SIDT1: variants seen among roughly 807,000 people sequenced by gnomAD.
SIDT1 encodes SID1 transmembrane family, member 1.
Under a neutral mutation model 107.5 loss-of-function variants are expected in SIDT1, and 101 were observed. That is an observed-to-expected ratio of 0.94 (90% CI 0.80 to 1.11). The LOEUF is 1.11. Among genes scored for constraint, SIDT1 ranks in the 50% least tolerant of loss-of-function variants. SIDT1 has a pLI of 0.00. For synonymous variants in SIDT1, 395 were observed against 398.2 expected, an observed-to-expected ratio of 0.99 and a Z score of 0.10; for missense variants, 1,076 against 1,058.2, an observed-to-expected ratio of 1.02 and a Z score of -0.23.
Position 113,627,778 on chromosome 3 carries a change from C to T in SIDT1, c.*70C>T. 6.9e-7 allele frequency: 1 copy of T among 1,441,038 alleles called. No individual in the cohort carries two copies. The highest frequency in any genetic ancestry group is 9.8e-7 in the Non-Finnish European group (1 of 1,025,320). The allele number at this position is 1,441,038 out of a possible 1,614,324, so 89.3% of individuals were successfully genotyped here. On this transcript the variant is annotated 3_prime_UTR_variant, in exon 25 of 25. Coordinates refer to ENST00000264852, the MANE Select transcript of SIDT1 (RefSeq NM_017699.3). ...TGTTTCACAAAAATTACAGTGACCA[C>T]AGCAAAGTAACCACTGCCAGATGCT...
Position 113,572,034 on chromosome 3 carries a change from C to T in SIDT1, c.515+4324C>T, listed in dbSNP as rs531096904. Among the ~76,000 whole-genome samples, 9 of 152,112 alleles carry T rather than the reference C, an allele frequency of 5.9e-5. No homozygotes were observed. In the East Asian group the frequency reaches 1.7e-3, roughly 29 times the overall value. On this transcript the variant is annotated intron_variant, in intron 3 of 24. Transcript: ENST00000264852. ...AACAGGATGCAGAGAAGTTAGAAGG[C>T]TGATGCAGTAGTCAAGATAAATAAT...
At chr3:113,593,371 T>TTCTCATAGGACCGCAAACCCTA (rs1301049709) in intron 10 of SIDT1, among the ~76,000 whole-genome samples, 1 of 152,154 alleles carries the variant, frequency 6.6e-6, no homozygotes, top group African/African-American at 2.4e-5. Flanking sequence ...CAGCATTAGA[T>TTCTCATAGGACCGCAAACCCTA]TCTCATAGGA....
At chr3:113,544,748 T>C (rs1939383344) in intron 1 of SIDT1, among the ~76,000 whole-genome samples, 1 of 152,140 alleles carries the variant, frequency 6.6e-6, no homozygotes, top group Non-Finnish European at 1.5e-5. Flanking sequence ...TGGTTAACCC[T>C]GGTTACTTAA....
intron 2 of SIDT1, among the ~76,000 whole-genome samples, chr3:113,567,278 GGCT>G (rs1307901267): frequency 9.8e-5 from 15 of 152,308 alleles, no homozygotes; most frequent in African/African-American, 3.6e-4. Context: ...TTAGGAGAAT[GGCT>G]TAGCGTAATG....
rs112125537 is a variant in SIDT1, at chr3:113,601,749, TG to T, written c.1117+91del. The T allele has an allele frequency of 6.9e-3, 5,861 of 853,344 alleles. 259 individuals are homozygous for T. In the African/African-American group the frequency reaches 0.089, roughly 13 times the overall value. The allele number at this position is 853,344 out of a possible 1,614,324, so 52.9% of individuals were successfully genotyped here. ...CATTCCAGCCACTAATAACTGGGAATGTGGGCAAAGCAGCTATCCTATGAGA... is the reference window on the plus strand; with the variant it reads ...CATTCCAGCCACTAATAACTGGGAATTGGGCAAAGCAGCTATCCTATGAGA... On this transcript the variant is annotated intron_variant, in intron 11 of 24. Transcript: ENST00000264852.
At chr3:113,602,218 C>T (rs920321029) in intron 11 of SIDT1, among the ~76,000 whole-genome samples, 5 of 152,232 alleles carry the variant, frequency 3.3e-5, no homozygotes, top group Admixed American at 2.6e-4. Flanking sequence ...AGAGTAGAAG[C>T]TCATTGAGCT....
chr3:113,575,185 G>A (rs1321335570), intron 3 of SIDT1, among the ~76,000 whole-genome samples: 1 of 152,168 alleles, frequency 6.6e-6, no homozygotes, highest in Admixed American at 6.5e-5. Context: ...CTCAAATGAT[G>A]GGGAAAATTA....
chr3:113,633,560 T>C (rs752875796), downstream of SIDT1, among the ~76,000 whole-genome samples: 1 of 152,078 alleles, frequency 6.6e-6, no homozygotes, highest in Non-Finnish European at 1.5e-5. Flanking sequence ...AAGCTATGAA[T>C]GTGGAAGGTG....
intron 1 of SIDT1, among the ~76,000 whole-genome samples, chr3:113,562,747 C>T (rs937737850): frequency 2.4e-4 from 37 of 152,178 alleles, no homozygotes; most frequent in African/African-American, 8.2e-4. Context: ...GGTTTCTTTT[C>T]GGGGTGAGAA....
intron 1 of SIDT1, among the ~76,000 whole-genome samples, chr3:113,557,472 G>A (rs1461698225): frequency 1.3e-5 from 2 of 152,184 alleles, no homozygotes; most frequent in Non-Finnish European, 2.9e-5. Context: ...TATAAGAAGA[G>A]GGAAATTTGG....
intron 21 of SIDT1, among the ~76,000 whole-genome samples, chr3:113,621,778 G>C (rs576740298): frequency 1.3e-5 from 2 of 152,262 alleles, no homozygotes; most frequent in Admixed American, 1.3e-4. Context: ...CTTTGAAAAA[G>C]AGATTAACAG....
chr3:113,542,927 TG>T (rs1939096245), intron 1 of SIDT1, among the ~76,000 whole-genome samples: 4 of 151,266 alleles, frequency 2.6e-5, no homozygotes, highest in African/African-American at 9.8e-5. Context: ...TGTGTGTGTG[TG>T]TGTGTGTGTG....
chr3:113,607,671 A>G (rs1233124809), intron 15 of SIDT1, among the ~76,000 whole-genome samples: 1 of 152,238 alleles, frequency 6.6e-6, no homozygotes, highest in Non-Finnish European at 1.5e-5. Flanking sequence ...GCTGCTGGCT[A>G]TGATTGGCTG....
chr3:113,623,926 A>G (rs372541712), intron 23 of SIDT1, among the ~76,000 whole-genome samples, 193 bp downstream of exon 23: 98 of 152,350 alleles, frequency 6.4e-4, no homozygotes, highest in African/African-American at 2.2e-3. Flanking sequence ...GGCACTTTAT[A>G]AATCTGTAAG....
At chr3:113,624,077 A>G (rs756291255) in intron 23 of SIDT1, among the ~76,000 whole-genome samples, 1 of 152,184 alleles carries the variant, frequency 6.6e-6, no homozygotes, top group Non-Finnish European at 1.5e-5. Context: ...CAAATACCCA[A>G]GCTGAGTGTC....
At chr3:113,635,316 C>A in the SIDT1 span, among the ~76,000 whole-genome samples, 2 of 152,174 alleles carry the variant, frequency 1.3e-5, no homozygotes, top group Non-Finnish European at 2.9e-5. Flanking sequence ...GACAACATAG[C>A]AAGATCCTGT....
intron 10 of SIDT1, among the ~76,000 whole-genome samples, chr3:113,599,613 C>T (rs12635864): frequency 6.6e-6 from 1 of 152,004 alleles, no homozygotes; most frequent in Admixed American, 6.6e-5. Flanking sequence ...GGATGTTATG[C>T]TAAGTGGAAT....
In SIDT1 at chr3:113,584,735, G is replaced by T; in HGVS notation, c.873G>T (p.Lys291Asn). Residue 291 changes from lysine to asparagine, a missense_variant, in exon 8 of 25, where the codon AAG becomes AAT. Physicochemically the swap from Lys to Asn is moderately conservative, Grantham distance 94. Coordinates refer to ENST00000264852, the MANE Select transcript of SIDT1 (RefSeq NM_017699.3). ...AGACCTGGAATCTACAGCGAAAAAAGAACCTTGAAGTGACCATTGTCCCTT... is the reference window on the plus strand; with the variant it reads ...AGACCTGGAATCTACAGCGAAAAAATAACCTTGAAGTGACCATTGTCCCTT... ...ENQTWNLQRK[K>N]NLEVTIVPSI... 1 of 1,600,218 alleles carries T rather than the reference G, an allele frequency of 6.2e-7. No homozygotes were observed. Among genetic ancestry groups the T allele is most frequent in the South Asian group, 1.1e-5 (1 of 87,442 alleles).
At chr3:113,553,111 A>G (rs1006977059) in intron 1 of SIDT1, among the ~76,000 whole-genome samples, 2 of 152,204 alleles carry the variant, frequency 1.3e-5, no homozygotes, top group African/African-American at 4.8e-5. Context: ...ATCAGAGTGA[A>G]TTCAAGTGGC....
Sources: allele counts gnomAD v4.1 joint callset (sites outside exome capture counted in the v4.1 genomes callset), GRCh38; gene constraint gnomAD v4.1.1; transcripts MANE v1.5; gene names NCBI Gene and HGNC (gene_info 2026-07-23, HGNC 2026-07-21).